ZBTB7C: variants seen among roughly 807,000 people sequenced by gnomAD.
ZBTB7C encodes the protein zinc finger and BTB domain containing 7C.
A neutral mutation model predicts 25.7 loss-of-function variants in ZBTB7C; 8 were observed. The ratio of observed to expected loss-of-function variants is 0.31; its 90% CI spans 0.18 to 0.56. The LOEUF is 0.56. Among genes scored for constraint, ZBTB7C ranks in the 20% least tolerant of loss-of-function variants. The probability of loss-of-function intolerance (pLI) is 0.91; values close to 1 mark genes in which losing one functional copy is unlikely to be tolerated. For missense variants in ZBTB7C, 824 were observed against 855.2 expected, an observed-to-expected ratio of 0.96 and a Z score of 0.46; for synonymous variants, 394 against 369.0, an observed-to-expected ratio of 1.07 and a Z score of -0.78.
At chr18:48,210,068 G>C (rs1020746560) in intron 2 of ZBTB7C, among the ~76,000 whole-genome samples, 1 of 152,170 alleles carries the variant, frequency 6.6e-6, no homozygotes, top group East Asian at 1.9e-4. Context: ...TACATGAGAA[G>C]CTGAATATCA....
At chr18:48,127,967 C>A (rs890582486) in intron 3 of ZBTB7C, among the ~76,000 whole-genome samples, 3 of 152,188 alleles carry the variant, frequency 2.0e-5, no homozygotes, top group Non-Finnish European at 2.9e-5. Context: ...AGCCAAGGGG[C>A]CTCCTCCCCA....
chr18:48,164,586 C>A (rs1208790997), intron 3 of ZBTB7C, among the ~76,000 whole-genome samples: 3 of 152,186 alleles, frequency 2.0e-5, no homozygotes, highest in Non-Finnish European at 2.9e-5. Context: ...ACCAGGACCC[C>A]TCCAGCACTT....
At chr18:48,364,293 G>A (rs764942338) in intron 1 of ZBTB7C, 5 of 152,324 alleles carry the variant, frequency 3.3e-5, no homozygotes, top group Admixed American at 2.0e-4. Context: ...GACGCACAGC[G>A]AGCAAAGGAA....
rs117857859 is a variant in ZBTB7C at position 48,268,356 on chromosome 18, C to T, written c.-79+69818G>A. On this transcript the variant is annotated intron_variant, in intron 2 of 4. Coordinates refer to ENST00000590800, the MANE Select transcript of ZBTB7C (RefSeq NM_001318841.2). ...TCACATTAGGGGAGAGAGACTTCAGCGCAGAACTGAGCTCAACTTTGAATA... is the reference window on the plus strand; with the variant it reads ...TCACATTAGGGGAGAGAGACTTCAGTGCAGAACTGAGCTCAACTTTGAATA... 7.0e-3 allele frequency among the ~76,000 whole-genome samples: 1,060 copies of T among 152,254 alleles called. 11 individuals carry two copies. Among genetic ancestry groups the T allele is most frequent in the Middle Eastern group, 0.024 (7 of 292 alleles).
rs2036231005 is a variant in ZBTB7C at position 48,041,256 on chromosome 18, T to C, written c.-16-133A>G. 7.8e-6 allele frequency: 11 copies of C among 1,414,556 alleles called. No homozygotes were observed. The South Asian group carries it at 1.1e-4, about 15-fold the overall frequency. The allele number at this position is 1,414,556 out of a possible 1,614,324, so 87.6% of individuals were successfully genotyped here. A position where few individuals can be genotyped will look rare whatever the true frequency, so the allele number is the denominator to read the frequency against. ...CTGCAAGGCCAGTCCTCCTACCTCT[T>C]AGCCTTGCCAAATCTCACCTGCAAT... On this transcript the variant is annotated intron_variant, in intron 3 of 4. Coordinates refer to ENST00000590800, the MANE Select transcript of ZBTB7C (RefSeq NM_001318841.2).
At position 48,083,757 on chromosome 18, in the gene ZBTB7C, C is replaced by T. The variant is rs1001630368; in HGVS notation, c.-16-42634G>A. 3 of 883,532 alleles carry T rather than the reference C, an allele frequency of 3.4e-6. No homozygotes were observed. The African/African-American group carries it at 5.4e-5, about 16-fold the overall frequency. 54.7% of individuals were successfully genotyped at this position (883,532 alleles called of 1,614,324 possible). A position where few individuals can be genotyped will look rare whatever the true frequency, so the allele number is the denominator to read the frequency against. On this transcript the variant is annotated intron_variant, in intron 3 of 4. Transcript: ENST00000590800. ...AATGAAATTAAAGAAGTTCCCCTGACTGTAAATGGTGGCTGGGTAAGGAAA... is the reference window on the plus strand; with the variant it reads ...AATGAAATTAAAGAAGTTCCCCTGATTGTAAATGGTGGCTGGGTAAGGAAA...
At chr18:48,052,302 C>T (rs761163703) in intron 3 of ZBTB7C, among the ~76,000 whole-genome samples, 7 of 152,200 alleles carry the variant, frequency 4.6e-5, no homozygotes, top group East Asian at 1.9e-4. Context: ...GCCATCTCCT[C>T]TAGTAGAGTG....
At chr18:48,085,154 C>T (rs568516353) in intron 3 of ZBTB7C, among the ~76,000 whole-genome samples, 240 of 151,998 alleles carry the variant, frequency 1.6e-3, no homozygotes, top group African/African-American at 5.7e-3. Context: ...TACGGCAGGG[C>T]GGGTGGGGGT....
chr18:48,297,308 C>T (rs1056063760), intron 2 of ZBTB7C, among the ~76,000 whole-genome samples: 2 of 152,176 alleles, frequency 1.3e-5, no homozygotes, highest in Non-Finnish European at 2.9e-5. Context: ...CACCCAGCAT[C>T]GTCATATCTT....
intron 4 of ZBTB7C, 95 bp downstream of exon 4, chr18:48,039,805 G>A: frequency 7.7e-7 from 1 of 1,300,132 alleles, no homozygotes; most frequent in Non-Finnish European, 1.1e-6. Context: ...GGATCTATCT[G>A]GGTCTCTGTC....
chr18:48,144,139 C>T (rs1303367666), intron 3 of ZBTB7C, among the ~76,000 whole-genome samples: 4 of 152,000 alleles, frequency 2.6e-5, no homozygotes, highest in Admixed American at 1.3e-4. Flanking sequence ...ATTAGCTGGA[C>T]GTGGTGGTGC....
At chr18:48,031,836 G>A (rs73445992) in intron 4 of ZBTB7C, among the ~76,000 whole-genome samples, 4,179 of 152,280 alleles carry the variant, frequency 0.027, 187 homozygotes, top group African/African-American at 0.094. Context: ...TGGCAGGCCC[G>A]GGAGTCAAGG....
intron 3 of ZBTB7C, among the ~76,000 whole-genome samples, chr18:48,103,003 A>G (rs1189387168): frequency 6.7e-6 from 1 of 149,968 alleles, no homozygotes; most frequent in African/African-American, 2.4e-5. Flanking sequence ...GACAAATATA[A>G]GACAGGGAAG....
intron 3 of ZBTB7C, among the ~76,000 whole-genome samples, chr18:48,084,040 T>C (rs2038090283): frequency 6.6e-6 from 1 of 152,184 alleles, no homozygotes; most frequent in East Asian, 1.9e-4. Context: ...ACCAGAACCT[T>C]CTGCAGGCAT....
At chr18:48,347,124 G>GTTTTTTTTTTTT (rs1158209713) in intron 1 of ZBTB7C, among the ~76,000 whole-genome samples, 17 of 80,510 alleles carry the variant, frequency 2.1e-4, no homozygotes, top group East Asian at 4.4e-4. Flanking sequence ...GTTTTTGTTT[G>GTTTTTTTTTTTT]TTTTTTTTTT....
intron 2 of ZBTB7C, among the ~76,000 whole-genome samples, chr18:48,295,073 G>A (rs1003864717): frequency 6.6e-6 from 1 of 152,102 alleles, no homozygotes; most frequent in Non-Finnish European, 1.5e-5. Context: ...GTGCCACTCA[G>A]GAAGCTTTCT....
At chr18:48,044,555 G>A (rs1413316069) in intron 3 of ZBTB7C, among the ~76,000 whole-genome samples, 1 of 152,254 alleles carries the variant, frequency 6.6e-6, no homozygotes, top group Non-Finnish European at 1.5e-5. Flanking sequence ...TGGAGGCCTG[G>A]ATCAGATGGG....
At chr18:48,406,678 C>T (rs775182287) in intron 1 of ZBTB7C, among the ~76,000 whole-genome samples, 34 of 152,180 alleles carry the variant, frequency 2.2e-4, no homozygotes, top group Admixed American at 3.9e-4. Context: ...GAATTATACC[C>T]GGCAACTCTG....
intron 3 of ZBTB7C, among the ~76,000 whole-genome samples, chr18:48,067,405 T>C (rs188752973): frequency 3.9e-5 from 6 of 152,332 alleles, no homozygotes; most frequent in Non-Finnish European, 7.3e-5. Flanking sequence ...TCAACTTGGC[T>C]AGGCCATGGT....
Sources: allele counts gnomAD v4.1 joint callset (sites outside exome capture counted in the v4.1 genomes callset), GRCh38; gene constraint gnomAD v4.1.1; transcripts MANE v1.5; gene names NCBI Gene and HGNC (gene_info 2026-07-23, HGNC 2026-07-21).